The following CLVS1 variants were observed in gnomAD, a reference collection of about 807,000 sequenced individuals.
The protein encoded by CLVS1 is clavesin 1.
CLVS1 carries 10 observed loss-of-function variants against 33.1 expected under a neutral mutation model. That is an observed-to-expected ratio of 0.30 (90% CI 0.19 to 0.51). The LOEUF (loss-of-function observed/expected upper bound fraction) is 0.51, where lower values mean the gene tolerates loss of function less well. Ranked by LOEUF, CLVS1 falls within the 20% of genes least tolerant of loss-of-function variation. The pLI is 0.97. For synonymous variants in CLVS1, 163 were observed against 166.1 expected (o/e 0.98, Z 0.14); for missense variants, 343 against 433.4 (o/e 0.79, Z 1.85).
intron 2 of CLVS1, among the ~76,000 whole-genome samples, chr8:61,201,240 G>A (rs1306662873): frequency 2.0e-5 from 3 of 152,160 alleles, no homozygotes; most frequent in African/African-American, 7.2e-5. Context: ...ATCATGATGG[G>A]TTAGCTAACC....
the CLVS1 span, among the ~76,000 whole-genome samples, chr8:60,990,791 C>T: frequency 2.6e-3 from 397 of 151,632 alleles, no homozygotes; most frequent in Non-Finnish European, 4.6e-3. Context: ...TCACTGCAAG[C>T]TCCGCCTCCT....
At chr8:61,430,051 C>T (rs200349907) in intron 3 of CLVS1, among the ~76,000 whole-genome samples, 2 of 152,160 alleles carry the variant, frequency 1.3e-5, no homozygotes, top group East Asian at 3.9e-4. Flanking sequence ...TGTAAGCTTC[C>T]CTTTTCATAA....
chr8:61,051,219 A>C, the CLVS1 span, among the ~76,000 whole-genome samples: 1 of 152,206 alleles, frequency 6.6e-6, no homozygotes, highest in Non-Finnish European at 1.5e-5. Flanking sequence ...TGCTGTGCAA[A>C]GAGCTCTAAG....
intron 3 of CLVS1, among the ~76,000 whole-genome samples, chr8:61,406,900 C>T (rs753091556): frequency 6.6e-6 from 1 of 152,150 alleles, no homozygotes; most frequent in African/African-American, 2.4e-5. Context: ...CGAGCTGCCG[C>T]GCCAGGCCGA....
At chr8:61,226,020 G>A (rs2129310757) in intron 2 of CLVS1, among the ~76,000 whole-genome samples, 1 of 152,312 alleles carries the variant, frequency 6.6e-6, no homozygotes, top group South Asian at 2.1e-4. Flanking sequence ...CCATGGCAAA[G>A]TCATCTTTGC....
the CLVS1 span, chr8:60,967,910 C>G: frequency 3.2e-6 from 1 of 314,504 alleles, no homozygotes; most frequent in Admixed American, 4.5e-5. Flanking sequence ...CTCCACACAC[C>G]CGTGGACTAA....
At chr8:61,201,030 T>A (rs1807720056) in intron 2 of CLVS1, among the ~76,000 whole-genome samples, 1 of 152,190 alleles carries the variant, frequency 6.6e-6, no homozygotes. Flanking sequence ...CATGGTGAAA[T>A]TTACTAAATT....
chr8:61,202,776 A>T, intron 2 of CLVS1: 2 of 1,543,452 alleles, frequency 1.3e-6, no homozygotes, highest in South Asian at 1.1e-5. Context: ...CTGGAAAGCG[A>T]TCTGCCCTCG....
chr8:61,441,012 T>C (rs749737167), intron 3 of CLVS1, among the ~76,000 whole-genome samples: 2 of 152,230 alleles, frequency 1.3e-5, no homozygotes, highest in African/African-American at 4.8e-5. Flanking sequence ...TTCTTTCAAA[T>C]AGGTGGATAT....
At chr8:61,253,555 C>T (rs1308839602) in intron 2 of CLVS1, among the ~76,000 whole-genome samples, 3 of 152,226 alleles carry the variant, frequency 2.0e-5, no homozygotes, top group African/African-American at 4.8e-5. Context: ...CTTTCAGGTA[C>T]ACCAATCAGA....
chr8:61,315,650 G>A (rs1367709021), intron 2 of CLVS1, among the ~76,000 whole-genome samples: 1 of 152,192 alleles, frequency 6.6e-6, no homozygotes, highest in Non-Finnish European at 1.5e-5. Context: ...GGAAACATGG[G>A]TCGTACTTTC....
the CLVS1 span, among the ~76,000 whole-genome samples, chr8:60,977,575 G>A: frequency 3.9e-5 from 6 of 152,112 alleles, no homozygotes; most frequent in East Asian, 3.9e-4. Flanking sequence ...GGTGCTCAAC[G>A]GCAGATCTGA....
chr8:61,016,676 T>C, the CLVS1 span, among the ~76,000 whole-genome samples: 8 of 151,858 alleles, frequency 5.3e-5, no homozygotes, highest in Non-Finnish European at 1.2e-4. Context: ...TACATAAGAG[T>C]GGAAGCTGCG....
In CLVS1 at chr8:61,458,548, G is replaced by T. The variant is rs750893090; in HGVS notation, c.977+6G>T. The T allele has an allele frequency of 1.9e-6, 3 of 1,568,518 alleles. No individual in the cohort carries two copies. In the Admixed American group the frequency reaches 5.5e-5, roughly 29 times the overall value. On this transcript the variant is annotated splice_donor_region_variant and intron_variant, in intron 5 of 5. Transcript: ENST00000325897. ...TCACCCAAGCTGATGAAAAGGTAAG[G>T]CCTGGGTTATCAGAGCCCCCCCCCC...
chr8:61,158,989 G>A (rs1174368176), intron 2 of CLVS1, among the ~76,000 whole-genome samples: 1 of 152,046 alleles, frequency 6.6e-6, no homozygotes, highest in East Asian at 1.9e-4. Context: ...ACCATGCTCT[G>A]CTAATTATAG....
At chr8:61,474,338 A>C (rs1050109831) in intron 5 of CLVS1, among the ~76,000 whole-genome samples, 1 of 152,220 alleles carries the variant, frequency 6.6e-6, no homozygotes, top group African/African-American at 2.4e-5. Context: ...GGAAGCCTTC[A>C]CAAGAGCTGT....
intron 3 of CLVS1, among the ~76,000 whole-genome samples, chr8:61,430,321 G>T (rs1317853421): frequency 6.6e-6 from 1 of 152,166 alleles, no homozygotes; most frequent in African/African-American, 2.4e-5. Context: ...GTATGATTTA[G>T]CAAGCATTTT....
chr8:61,037,030 A>G, the CLVS1 span, among the ~76,000 whole-genome samples: 1 of 152,238 alleles, frequency 6.6e-6, no homozygotes, highest in African/African-American at 2.4e-5. Context: ...TTCATTTAGT[A>G]TGTGACTCAC....
At chr8:61,030,013 C>T in the CLVS1 span, among the ~76,000 whole-genome samples, 10 of 152,292 alleles carry the variant, frequency 6.6e-5, no homozygotes, top group Non-Finnish European at 1.3e-4. Context: ...GAGTCCCAGG[C>T]GCCACTGGAG....
Sources: allele counts gnomAD v4.1 joint callset (sites outside exome capture counted in the v4.1 genomes callset), GRCh38; gene constraint gnomAD v4.1.1; transcripts MANE v1.5; gene names NCBI Gene and HGNC (gene_info 2026-07-23, HGNC 2026-07-21).